Variants in STK40 observed in about 807,000 individuals in gnomAD.
STK40 encodes serine/threonine-protein kinase 40.
A neutral mutation model predicts 47.9 loss-of-function variants in STK40; 13 were observed. The ratio of observed to expected loss-of-function variants is 0.27; its 90% CI spans 0.18 to 0.43. The LOEUF (loss-of-function observed/expected upper bound fraction) is 0.43. Ranked by LOEUF, STK40 falls within the 20% of genes least tolerant of loss-of-function variation. The pLI, the probability that STK40 is intolerant of heterozygous loss-of-function variation, is 1.00. For missense variants in STK40, 460 were observed against 595.1 expected, an observed-to-expected ratio of 0.77 and a Z score of 2.36; for synonymous variants, 225 against 243.2, an observed-to-expected ratio of 0.93 and a Z score of 0.69.
chr1:36,348,920 T>C (rs1570438269), intron 6 of STK40, 105 bp from the exon 7 acceptor site: 10 of 944,334 alleles, frequency 1.1e-5, no homozygotes, highest in African/African-American at 6.5e-5. Context: ...TCCTGAACAG[T>C]AGGAGGTAGG....
chr1:36,369,132 C>T (rs1268893617), intron 1 of STK40, among the ~76,000 whole-genome samples: 1 of 152,212 alleles, frequency 6.6e-6, no homozygotes, highest in Non-Finnish European at 1.5e-5. Context: ...GGCCCCCTCT[C>T]TTCAACACTG....
intron 1 of STK40, among the ~76,000 whole-genome samples, chr1:36,378,693 G>A (rs1647012679): frequency 1.3e-5 from 2 of 152,138 alleles, no homozygotes; most frequent in Admixed American, 6.5e-5. Context: ...TCCTGAACTC[G>A]TGATCTGCCC....
chr1:36,350,727 G>A (rs1646744901), intron 6 of STK40, among the ~76,000 whole-genome samples: 1 of 152,244 alleles, frequency 6.6e-6, no homozygotes, highest in African/African-American at 2.4e-5. Context: ...TAGGGGAGAG[G>A]TGCCATGGTG....
At chr1:36,370,463 C>T (rs1156304619) in intron 1 of STK40, among the ~76,000 whole-genome samples, 1 of 152,194 alleles carries the variant, frequency 6.6e-6, no homozygotes, top group Non-Finnish European at 1.5e-5. Context: ...AAGAGAACTT[C>T]TGGCCTAACC....
In STK40 at chr1:36,342,866, C is replaced by G. The variant is rs1646667784; in HGVS notation, c.1089+498G>C. On this transcript the variant is annotated intron_variant, in intron 10 of 10. Transcript: ENST00000373132. ...AGGGCCCAGCAATGCTGTTGCTCGG[C>G]CAAGCCCTGCCCTCCAGGGGGCACC... 7 of 357,840 alleles carry G rather than the reference C, an allele frequency of 2.0e-5. No individual in the cohort carries two copies. The South Asian group carries it at 2.1e-4, about 11-fold the overall frequency. The allele number at this position is 357,840 out of a possible 1,614,324, so 22.2% of individuals were successfully genotyped here.
At chr1:36,365,284 C>G (rs561688748) in intron 1 of STK40, among the ~76,000 whole-genome samples, 56 of 152,326 alleles carry the variant, frequency 3.7e-4, no homozygotes, top group South Asian at 1.9e-3. Flanking sequence ...GCACCGCGCC[C>G]GGCCTGTTTT....
rs975827359 is a variant in STK40, at chr1:36,340,989, G to A, written c.*766C>T. 4 of 152,682 alleles carry A rather than the reference G, an allele frequency of 2.6e-5. No individual in the cohort carries two copies. Among genetic ancestry groups the A allele is most frequent in the Non-Finnish European group, 4.4e-5 (3 of 68,406 alleles). The allele number at this position is 152,682 out of a possible 1,614,324, so 9.5% of individuals were successfully genotyped here. On this transcript the variant is annotated 3_prime_UTR_variant, in exon 11 of 11. Transcript: ENST00000373132. ...ACTGAGACGGGAGAGAAAGAGCCAG[G>A]TCTAGAAAGGCCTCCCATCACCGGC...
At position 36,385,710 on chromosome 1, in the gene STK40, C is replaced by A. The variant is rs1042786665; in HGVS notation, c.-9+13G>T. 1 of 153,624 alleles carries A rather than the reference C, an allele frequency of 6.5e-6. No homozygotes were observed. The highest frequency in any genetic ancestry group is 1.4e-5 in the Non-Finnish European group (1 of 69,096). 9.5% of individuals were successfully genotyped at this position (153,624 alleles called of 1,614,324 possible). The stretch of plus-strand genomic sequence containing the variant: ...CCCCACCCGGCTCCCCGCTCCTGGA[C>A]CCCTGCCCTCACCTTCGCCGGGTGG... On this transcript the variant is annotated intron_variant, in intron 1 of 10. Transcript: ENST00000373132.
chr1:36,361,140 CTGTAGGTCAGAT>C, intron 2 of STK40, 69 bp downstream of exon 2: 2 of 1,549,808 alleles, frequency 1.3e-6, no homozygotes, highest in South Asian at 2.3e-5. Flanking sequence ...ACTCTGATGT[CTGTAGGTCAGAT>C]CATGCGAGCC....
chr1:36,378,906 C>T (rs1647015730), intron 1 of STK40, among the ~76,000 whole-genome samples: 1 of 152,122 alleles, frequency 6.6e-6, no homozygotes, highest in African/African-American at 2.4e-5. Context: ...CTCTTGCTCC[C>T]CAGGGTTGGC....
intron 4 of STK40, among the ~76,000 whole-genome samples, chr1:36,355,884 T>C (rs988372671): frequency 1.6e-4 from 25 of 152,138 alleles, no homozygotes; most frequent in Non-Finnish European, 2.2e-4. Context: ...CCAGAGGCCA[T>C]ACAGGTTCTG....
At chr1:36,355,147 A>T (rs574285694) in intron 5 of STK40, 59 bp downstream of exon 5, 1,236 of 1,556,104 alleles carry the variant, frequency 7.9e-4, no homozygotes, top group Admixed American at 1.8e-3. Context: ...TCTGCTCAGC[A>T]GCAGCAAGAA....
chr1:36,358,191 A>G, intron 4 of STK40, 48 bp downstream of exon 4: 1 of 1,496,442 alleles, frequency 6.7e-7, no homozygotes, highest in Non-Finnish European at 9.0e-7. Flanking sequence ...GGCAGCCCAC[A>G]GAGCCAGCCA....
intron 1 of STK40, among the ~76,000 whole-genome samples, chr1:36,379,994 T>C (rs1557526616): frequency 6.6e-6 from 1 of 152,110 alleles, no homozygotes; most frequent in African/African-American, 2.4e-5. Context: ...AGAGAGCTTG[T>C]TGAATAAATT....
intron 7 of STK40, among the ~76,000 whole-genome samples, chr1:36,348,090 A>G (rs1328033319): frequency 3.9e-5 from 6 of 152,252 alleles, no homozygotes; most frequent in South Asian, 2.1e-4. Context: ...GGTGGCCCTC[A>G]GCAAACAGTA....
At chr1:36,358,405 A>C in intron 3 of STK40, 23 bp from the exon 4 acceptor site, 1 of 1,579,838 alleles carries the variant, frequency 6.3e-7, no homozygotes, top group Non-Finnish European at 8.7e-7. Flanking sequence ...ATAAAAATAA[A>C]ACCAAAACCA....
intron 2 of STK40, 67 bp downstream of exon 2, chr1:36,361,154 A>C: frequency 1.3e-6 from 2 of 1,580,696 alleles, no homozygotes; most frequent in South Asian, 2.3e-5. Context: ...AGGTCAGATC[A>C]TGCGAGCCAA....
chr1:36,358,034 C>A (rs867327437), intron 4 of STK40, among the ~76,000 whole-genome samples: 42 of 152,184 alleles, frequency 2.8e-4, no homozygotes, highest in Admixed American at 2.0e-4. Flanking sequence ...TAGGCTATAA[C>A]CATCCCCACA....
chr1:36,353,830 A>C (rs908942820), intron 6 of STK40, among the ~76,000 whole-genome samples: 4 of 152,186 alleles, frequency 2.6e-5, no homozygotes, highest in South Asian at 2.1e-4. Context: ...CTTCACAGTA[A>C]ACCTTCTGCA....
Sources: allele counts gnomAD v4.1 joint callset (sites outside exome capture counted in the v4.1 genomes callset), GRCh38; gene constraint gnomAD v4.1.1; transcripts MANE v1.5; gene names NCBI Gene and HGNC (gene_info 2026-07-23, HGNC 2026-07-21).